Variants in PCCA observed in about 807,000 individuals in gnomAD.
PCCA encodes the protein propionyl-CoA carboxylase alpha chain, mitochondrial.
PCCA carries 74 observed loss-of-function variants against 101.3 expected under a neutral mutation model. The observed-to-expected ratio is 0.73, with a 90% CI of 0.61 to 0.89. The LOEUF (loss-of-function observed/expected upper bound fraction) is 0.89. PCCA is among the 40% of genes least tolerant of loss of function. The probability of loss-of-function intolerance (pLI) is 0.00; values close to 1 mark genes in which losing one functional copy is unlikely to be tolerated. For missense variants in PCCA, 891 were observed against 907.0 expected, an observed-to-expected ratio of 0.98 and a Z score of 0.23; for synonymous variants, 294 against 313.6, an observed-to-expected ratio of 0.94 and a Z score of 0.66.
At chr13:100,449,983 A>T (rs1290504545) in intron 21 of PCCA, among the ~76,000 whole-genome samples, 1 of 152,204 alleles carries the variant, frequency 6.6e-6, no homozygotes, top group Non-Finnish European at 1.5e-5. Context: ...AATTTTCAAG[A>T]TTAGTAAACT....
chr13:100,387,537 T>G (rs975251248), intron 19 of PCCA, among the ~76,000 whole-genome samples: 1 of 152,196 alleles, frequency 6.6e-6, no homozygotes, highest in African/African-American at 2.4e-5. Context: ...AGTAACCTGA[T>G]GTACCAATGT....
intron 20 of PCCA, among the ~76,000 whole-genome samples, chr13:100,437,636 G>A (rs982437084): frequency 2.6e-5 from 4 of 151,732 alleles, no homozygotes; most frequent in African/African-American, 9.7e-5. Context: ...GCTAACACAA[G>A]CCATATTTAA....
At chr13:100,478,049 A>G (rs1484368118) in intron 21 of PCCA, among the ~76,000 whole-genome samples, 1 of 152,224 alleles carries the variant, frequency 6.6e-6, no homozygotes, top group Non-Finnish European at 1.5e-5. Flanking sequence ...TTCTTAGCAA[A>G]TGATCAGCTG....
intron 6 of PCCA, among the ~76,000 whole-genome samples, chr13:100,201,246 C>A (rs979300419): frequency 6.6e-6 from 1 of 151,984 alleles, no homozygotes; most frequent in Non-Finnish European, 1.5e-5. Context: ...AAGTAAATCC[C>A]GACTCTTTTT....
At position 100,268,633 on chromosome 13, in the gene PCCA, A is replaced by G; in HGVS notation, c.820-56A>G. The G allele has an allele frequency of 3.3e-6, 4 of 1,219,634 alleles. No homozygotes were observed. The Admixed American group carries it at 5.0e-5, about 15-fold the overall frequency. 75.6% of individuals were successfully genotyped at this position (1,219,634 alleles called of 1,614,324 possible). A position where few individuals can be genotyped will look rare whatever the true frequency, so the allele number is the denominator to read the frequency against. On this transcript the variant is annotated intron_variant, in intron 10 of 23. Transcript: ENST00000376285. ...ATGTTGCATGCGGAAAATATTAACC[A>G]TCATCTACTTTGTGGGTGTGGTTAT... is the stretch of plus-strand genomic sequence containing the variant.
intron 21 of PCCA, among the ~76,000 whole-genome samples, chr13:100,461,206 A>C (rs888689532): frequency 1.3e-5 from 2 of 152,232 alleles, no homozygotes; most frequent in African/African-American, 2.4e-5. Context: ...GCAGCTACAC[A>C]GTTGCAACTG....
At chr13:100,094,492 G>T (rs887736641) in intron 1 of PCCA, among the ~76,000 whole-genome samples, 1 of 152,130 alleles carries the variant, frequency 6.6e-6, no homozygotes, top group African/African-American at 2.4e-5. Context: ...AACCTAATAA[G>T]ATCAAAATAA....
chr13:100,266,914 A>T (rs962473160), intron 10 of PCCA, among the ~76,000 whole-genome samples: 4 of 152,336 alleles, frequency 2.6e-5, no homozygotes, highest in East Asian at 1.9e-4. Context: ...TAAAATTTTT[A>T]AAAAACTCAT....
At chr13:100,422,311 T>C (rs191699808) in intron 19 of PCCA, among the ~76,000 whole-genome samples, 5 of 151,356 alleles carry the variant, frequency 3.3e-5, no homozygotes, top group African/African-American at 1.2e-4. Flanking sequence ...GTAAAAAAAA[T>C]TTTTTTTGTA....
intron 1 of PCCA, among the ~76,000 whole-genome samples, chr13:100,097,511 G>A (rs2046877472): frequency 6.6e-6 from 1 of 152,144 alleles, no homozygotes; most frequent in Non-Finnish European, 1.5e-5. Context: ...CCTGAGGTCG[G>A]GAGTTCGAGA....
At chr13:100,260,596 C>T (rs941209938) in intron 9 of PCCA, among the ~76,000 whole-genome samples, 8 of 151,824 alleles carry the variant, frequency 5.3e-5, no homozygotes, top group Admixed American at 3.3e-4. Context: ...AGGGTTTCAC[C>T]GTGTTGCCCA....
chr13:100,484,609 A>G lies in PCCA; in HGVS notation c.1900-30818A>G, dbSNP rs77464250. 9.3e-3 allele frequency among the ~76,000 whole-genome samples: 1,417 copies of G among 152,342 alleles called. 19 individuals carry two copies. Among genetic ancestry groups the G allele is most frequent in the African/African-American group, 0.031 (1,309 of 41,570 alleles). ...TTTTTCTTTTTTCCCCCCTGTAGAT[A>G]TATTTGGCATATGTAGAATTTGAGA... On this transcript the variant is annotated intron_variant, in intron 21 of 23. Transcript: ENST00000376285.
At chr13:100,405,115 C>A (rs1263098748) in intron 19 of PCCA, among the ~76,000 whole-genome samples, 2 of 152,190 alleles carry the variant, frequency 1.3e-5, no homozygotes, top group Non-Finnish European at 2.9e-5. Flanking sequence ...TTGTGACACA[C>A]CCAGATAACT....
intron 2 of PCCA, among the ~76,000 whole-genome samples, chr13:100,104,309 T>C (rs2047554876): frequency 6.6e-6 from 1 of 152,188 alleles, no homozygotes; most frequent in South Asian, 2.1e-4. Context: ...AGAAATACAA[T>C]GTGAAACACA....
chr13:100,444,201 A>ATTTT (rs1566318816), intron 20 of PCCA, among the ~76,000 whole-genome samples: 1 of 92,050 alleles, frequency 1.1e-5, no homozygotes, highest in African/African-American at 5.8e-5. Context: ...ATCAGCCCAC[A>ATTTT]ATTTTTTTTT....
intron 4 of PCCA, among the ~76,000 whole-genome samples, chr13:100,146,668 G>A (rs766846843): frequency 6.6e-6 from 1 of 151,300 alleles, no homozygotes; most frequent in Non-Finnish European, 1.5e-5. Flanking sequence ...AGGAAAATGC[G>A]AATTAAAAAA....
At chr13:100,212,274 A>G (rs930603516) in intron 7 of PCCA, among the ~76,000 whole-genome samples, 5 of 152,328 alleles carry the variant, frequency 3.3e-5, no homozygotes, top group African/African-American at 1.2e-4. Context: ...TCATCCCTTT[A>G]CATATTGTCT....
At chr13:100,331,565 C>T (rs2069577695) in intron 17 of PCCA, among the ~76,000 whole-genome samples, 1 of 152,114 alleles carries the variant, frequency 6.6e-6, no homozygotes, top group Admixed American at 6.5e-5. Flanking sequence ...TTTCATAAGA[C>T]TCAACAGAGA....
intron 21 of PCCA, among the ~76,000 whole-genome samples, chr13:100,460,418 T>C (rs2082092994): frequency 6.6e-6 from 1 of 152,218 alleles, no homozygotes. Context: ...ACAATGTTTG[T>C]ATGAAAGAGA....
Sources: gnomAD v4.1 joint callset for allele counts (sites outside exome capture counted in the v4.1 genomes callset) on GRCh38, gnomAD v4.1.1 for gene constraint, MANE v1.5 for transcripts, NCBI Gene and HGNC (gene_info 2026-07-23, HGNC 2026-07-21) for gene names.